The following RARB variants were observed in gnomAD, a reference collection of about 807,000 sequenced individuals.
RARB encodes HBV-activated protein.
A neutral mutation model predicts 51.9 loss-of-function variants in RARB; 17 were observed. The ratio of observed to expected loss-of-function variants is 0.33; its 90% CI spans 0.22 to 0.49. The LOEUF (loss-of-function observed/expected upper bound fraction) is 0.49. Among genes scored for constraint, RARB ranks in the 20% least tolerant of loss-of-function variants. The pLI is 0.99. For missense variants in RARB, 369 were observed against 550.8 expected, an observed-to-expected ratio of 0.67 and a Z score of 3.30; for synonymous variants, 215 against 195.4, an observed-to-expected ratio of 1.10 and a Z score of -0.84.
intron 2 of RARB, among the ~76,000 whole-genome samples, chr3:25,017,850 GAT>G (rs1697549458): frequency 6.6e-6 from 1 of 152,154 alleles, no homozygotes; most frequent in African/African-American, 2.4e-5. Context: ...TCCCCAGTGT[GAT>G]GGTATTTGGA....
At chr3:25,347,208 G>C (rs913397923) in intron 5 of RARB, among the ~76,000 whole-genome samples, 1 of 152,162 alleles carries the variant, frequency 6.6e-6, no homozygotes, top group Non-Finnish European at 1.5e-5. Flanking sequence ...TGGCTGACTG[G>C]CTTCATGCTG....
chr3:25,013,304 G>A (rs1697437150), intron 2 of RARB, among the ~76,000 whole-genome samples: 2 of 152,028 alleles, frequency 1.3e-5, no homozygotes, highest in Admixed American at 1.3e-4. Context: ...AACCACTTTT[G>A]GCTCCCTGAA....
At chr3:25,470,692 A>G (rs951337281) in intron 2 of RARB, among the ~76,000 whole-genome samples, 3 of 152,350 alleles carry the variant, frequency 2.0e-5, no homozygotes, top group African/African-American at 7.2e-5. Flanking sequence ...AAGACACTCA[A>G]AAGGACTCAA....
At chr3:24,982,146 G>T (rs1054650887) in intron 2 of RARB, among the ~76,000 whole-genome samples, 9 of 152,186 alleles carry the variant, frequency 5.9e-5, no homozygotes, top group African/African-American at 2.2e-4. Flanking sequence ...CAGCTGGTGG[G>T]ACTTGTGGCC....
intron 5 of RARB, among the ~76,000 whole-genome samples, chr3:25,288,613 C>T (rs1339556351): frequency 6.6e-6 from 1 of 152,152 alleles, no homozygotes; most frequent in East Asian, 1.9e-4. Flanking sequence ...GATTACCTGG[C>T]CACAGACTGG....
upstream of RARB, among the ~76,000 whole-genome samples, chr3:25,426,282 G>A (rs1277444742): frequency 6.6e-6 from 1 of 152,182 alleles, no homozygotes; most frequent in East Asian, 1.9e-4. Flanking sequence ...ACAAAATGAT[G>A]GCCATATAAA....
chr3:25,528,767 T>C (rs1443991630), intron 3 of RARB, among the ~76,000 whole-genome samples: 1 of 152,054 alleles, frequency 6.6e-6, no homozygotes, highest in Non-Finnish European at 1.5e-5. Flanking sequence ...TTTGCATCTG[T>C]CCAGAGGACT....
chr3:24,835,213 C>T (rs1702329200), intron 1 of RARB, among the ~76,000 whole-genome samples: 1 of 152,146 alleles, frequency 6.6e-6, no homozygotes, highest in Admixed American at 6.5e-5. Context: ...GAAGTTTAAA[C>T]TCTTGTCTCA....
intron 2 of RARB, among the ~76,000 whole-genome samples, chr3:24,944,274 A>G (rs773858939): frequency 6.6e-6 from 1 of 152,152 alleles, no homozygotes. Flanking sequence ...CCCCTTGGGG[A>G]TGTAAATTCT....
rs142553723 is a variant in RARB at position 25,476,997 on chromosome 3, C to T, written c.306+15656C>T. ...CTCAATAAACGTTTGTTGAATGACT[C>T]AATAATAAATAGTATGTAGAAGAGG... On this transcript the variant is annotated intron_variant, in intron 2 of 7. Transcript: ENST00000330688. 1.9e-3 allele frequency among the ~76,000 whole-genome samples: 296 copies of T among 152,092 alleles called. 1 individual carries two copies. Among genetic ancestry groups the T allele is most frequent in the Non-Finnish European group, 3.8e-3 (261 of 68,006 alleles).
At chr3:25,038,621 A>C (rs1420908364) in intron 2 of RARB, among the ~76,000 whole-genome samples, 1 of 152,178 alleles carries the variant, frequency 6.6e-6, no homozygotes, top group East Asian at 1.9e-4. Flanking sequence ...TAGCACACAC[A>C]GTTCTGCTGA....
At chr3:25,497,278 T>TCA (rs34717873) in intron 2 of RARB, among the ~76,000 whole-genome samples, 52,848 of 151,898 alleles carry the variant, frequency 0.35, 10,268 homozygotes, top group African/African-American at 0.53. Context: ...CCTGAGGCCC[T>TCA]CAGAGGTGTT....
chr3:25,546,368 G>A (rs554253218), intron 3 of RARB, among the ~76,000 whole-genome samples: 133 of 152,286 alleles, frequency 8.7e-4, no homozygotes, highest in African/African-American at 2.8e-3. Flanking sequence ...GGAGGGCAGG[G>A]CAGAGGCAGA....
At chr3:25,325,300 G>C (rs1704681682) in intron 5 of RARB, among the ~76,000 whole-genome samples, 1 of 152,142 alleles carries the variant, frequency 6.6e-6, no homozygotes, top group South Asian at 2.1e-4. Context: ...ACGACAACCA[G>C]AGGTCATTTT....
intron 5 of RARB, among the ~76,000 whole-genome samples, chr3:25,180,163 C>A (rs1700833585): frequency 6.6e-6 from 1 of 152,084 alleles, no homozygotes; most frequent in Non-Finnish European, 1.5e-5. Flanking sequence ...AATGACTTTA[C>A]CTTCAAGTTA....
At chr3:24,846,899 T>C (rs747454648) in intron 1 of RARB, among the ~76,000 whole-genome samples, 13 of 150,582 alleles carry the variant, frequency 8.6e-5, no homozygotes, top group Non-Finnish European at 1.9e-4. Flanking sequence ...GAGAAGAGCA[T>C]GAAATTCAGA....
intron 5 of RARB, among the ~76,000 whole-genome samples, chr3:25,406,642 G>A (rs1707417154): frequency 6.6e-6 from 1 of 152,208 alleles, no homozygotes; most frequent in African/African-American, 2.4e-5. Context: ...AGACCTTGTT[G>A]CTAAATACAA....
intron 3 of RARB, among the ~76,000 whole-genome samples, chr3:25,113,163 C>T (rs569667680): frequency 2.0e-5 from 3 of 152,096 alleles, no homozygotes; most frequent in East Asian, 1.9e-4. Flanking sequence ...TTGCCTTTGC[C>T]CCTTTGTATC....
chr3:25,466,431 G>A (rs1327331990), intron 2 of RARB, among the ~76,000 whole-genome samples: 2 of 152,134 alleles, frequency 1.3e-5, no homozygotes, highest in Non-Finnish European at 2.9e-5. Flanking sequence ...TCCAACCTCA[G>A]GTGATTCACC....
Sources: gnomAD v4.1 joint callset for allele counts (sites outside exome capture counted in the v4.1 genomes callset) on GRCh38, gnomAD v4.1.1 for gene constraint, MANE v1.5 for transcripts, NCBI Gene and HGNC (gene_info 2026-07-23, HGNC 2026-07-21) for gene names.